Variants in RGS22 observed in about 807,000 individuals in gnomAD.
RGS22 encodes regulator of G-protein signaling 22.
A neutral mutation model predicts 172.9 loss-of-function variants in RGS22; 148 were observed. The ratio of observed to expected loss-of-function variants is 0.86; its 90% CI spans 0.75 to 0.98. RGS22 has a LOEUF of 0.98. Ranked by LOEUF, RGS22 falls within the 50% of genes least tolerant of loss-of-function variation. The probability of loss-of-function intolerance (pLI) is 0.00; values close to 1 mark genes in which losing one functional copy is unlikely to be tolerated. For synonymous variants in RGS22, 458 were observed against 480.2 expected (o/e 0.95, Z 0.60); for missense variants, 1,347 against 1,440.8 (o/e 0.93, Z 1.05).
At chr8:100,104,329 C>CGTGTGT (rs34385626) in intron 2 of RGS22, among the ~76,000 whole-genome samples, 4,559 of 140,360 alleles carry the variant, frequency 0.032, 103 homozygotes, top group African/African-American at 0.043. Context: ...AAAATATGTG[C>CGTGTGT]GTGTGTGTGT....
chr8:100,093,840 G>T (rs1312697736), intron 2 of RGS22, among the ~76,000 whole-genome samples: 1 of 152,074 alleles, frequency 6.6e-6, no homozygotes, highest in Admixed American at 6.6e-5. Context: ...CCACCACATG[G>T]TAAGTTTCAC....
chr8:100,001,217 T>A (rs190010516), intron 18 of RGS22, among the ~76,000 whole-genome samples: 3 of 124,398 alleles, frequency 2.4e-5, no homozygotes, highest in African/African-American at 8.6e-5. Flanking sequence ...TATATATATA[T>A]ATACATATAT....
intron 20 of RGS22, 107 bp from the exon 21 acceptor site, chr8:99,987,726 T>C (rs758609405): frequency 4.8e-5 from 34 of 705,080 alleles, no homozygotes; most frequent in Non-Finnish European, 6.8e-5. Flanking sequence ...ATGGCTATAA[T>C]AGAATTTCAC....
chr8:99,988,550 A>G (rs1563579876), intron 20 of RGS22, among the ~76,000 whole-genome samples: 1 of 152,170 alleles, frequency 6.6e-6, no homozygotes, highest in Non-Finnish European at 1.5e-5. Context: ...AAAGACAATG[A>G]TTTAGATGGA....
chr8:100,076,008 T>C (rs1008422145), intron 4 of RGS22, among the ~76,000 whole-genome samples: 4 of 152,240 alleles, frequency 2.6e-5, no homozygotes, highest in Non-Finnish European at 5.9e-5. Flanking sequence ...TTCATGTGCT[T>C]ATTGTTTATC....
At chr8:100,044,338 C>T (rs141494151) in intron 11 of RGS22, among the ~76,000 whole-genome samples, 192 of 152,352 alleles carry the variant, frequency 1.3e-3, no homozygotes, top group African/African-American at 4.4e-3. Context: ...CCTCTGCCTC[C>T]TGGGTTAAAG....
chr8:100,079,971 A>G (rs1249708372), intron 4 of RGS22, among the ~76,000 whole-genome samples, 163 bp downstream of exon 4: 1 of 152,198 alleles, frequency 6.6e-6, no homozygotes, highest in Non-Finnish European at 1.5e-5. Flanking sequence ...AAAACTGCTG[A>G]ACTGGCCATT....
chr8:100,105,979 G>A lies in RGS22; in HGVS notation c.-58C>T. ...CGGGCCGTCAGGGCCCTAGCGCGCG[G>A]GTCCAGCGCGGGTCAGGGCCTGAGC... is the stretch of plus-strand genomic sequence containing the variant. On this transcript the variant is annotated 5_prime_UTR_variant, in exon 1 of 28. Coordinates refer to ENST00000360863, the MANE Select transcript of RGS22 (RefSeq NM_015668.5). The A allele has an allele frequency of 3.0e-6, 4 of 1,334,700 alleles. No homozygotes were observed. The highest frequency in any genetic ancestry group is 4.2e-5 in the Admixed American group (1 of 24,052). 82.7% of individuals were successfully genotyped at this position (1,334,700 alleles called of 1,614,324 possible). A position where few individuals can be genotyped will look rare whatever the true frequency, so the allele number is the denominator to read the frequency against.
intron 14 of RGS22, among the ~76,000 whole-genome samples, chr8:100,023,402 T>C (rs555724453): frequency 1.3e-5 from 2 of 152,186 alleles, no homozygotes; most frequent in East Asian, 1.9e-4. Context: ...ACAATGTCTC[T>C]TCATGAGTGA....
chr8:99,966,616 A>T (rs1271717498), intron 23 of RGS22, among the ~76,000 whole-genome samples: 2 of 152,192 alleles, frequency 1.3e-5, no homozygotes, highest in African/African-American at 4.8e-5. Context: ...AACTTCCCCA[A>T]AGAGGAAATG....
At chr8:99,963,323 A>G (rs1198475191) in intron 24 of RGS22, among the ~76,000 whole-genome samples, 1 of 152,184 alleles carries the variant, frequency 6.6e-6, no homozygotes, top group Non-Finnish European at 1.5e-5. Flanking sequence ...GGGTGGTGAT[A>G]TTCTGTTTCT....
rs1473042863 is a variant in RGS22, at chr8:100,041,888, C to T, written c.1852G>A (p.Val618Ile). 8 of 1,612,234 alleles carry T rather than the reference C, an allele frequency of 5.0e-6. No individual in the cohort carries two copies. Among genetic ancestry groups the T allele is most frequent in the African/African-American group, 1.3e-5 (1 of 74,892 alleles). Residue 618 changes from valine (V) to isoleucine (I), a missense_variant, in exon 12 of 28, where the codon GTC becomes ATC. Coordinates refer to ENST00000360863, the MANE Select transcript of RGS22 (RefSeq NM_015668.5). ...TCAGTAAAAGATGTTAAATGAATGA[C>T]TTTGCTGCTTTCTGACATGTACTTT... The part of the protein sequence containing the change: ...GSKYMSESSK[V>I]IHLTSFTDIS...
At chr8:100,052,526 C>T (rs1028237500) in intron 10 of RGS22, among the ~76,000 whole-genome samples, 3 of 151,892 alleles carry the variant, frequency 2.0e-5, no homozygotes, top group African/African-American at 7.3e-5. Flanking sequence ...TGGTCTTGAT[C>T]TCCTGACCTC....
chr8:100,032,379 A>G (rs1818916939), intron 14 of RGS22, among the ~76,000 whole-genome samples: 1 of 152,210 alleles, frequency 6.6e-6, no homozygotes, highest in South Asian at 2.1e-4. Flanking sequence ...AGTCTCTGAT[A>G]AAACAGACTT....
intron 14 of RGS22, among the ~76,000 whole-genome samples, chr8:100,028,455 C>CAA (rs201672610): frequency 4.0e-3 from 364 of 91,782 alleles, no homozygotes; most frequent in Middle Eastern, 0.012. Flanking sequence ...ACCTAGGAGA[C>CAA]AAAAAAAAAA....
chr8:100,043,587 T>C (rs928367393), intron 11 of RGS22, among the ~76,000 whole-genome samples: 1 of 151,734 alleles, frequency 6.6e-6, no homozygotes, highest in Non-Finnish European at 1.5e-5. Flanking sequence ...ACCAGCCTGG[T>C]CCACATGGTG....
At chr8:99,972,983 CA>C (rs34427659) in intron 23 of RGS22, among the ~76,000 whole-genome samples, 3,562 of 69,774 alleles carry the variant, frequency 0.051, 51 homozygotes, top group Non-Finnish European at 0.078. Context: ...GACTCCATCT[CA>C]AAAAAAAAAA....
chr8:99,999,383 T>C lies in RGS22; in HGVS notation c.2828A>G (p.His943Arg), dbSNP rs752745436. Residue 943 changes from histidine to arginine, a missense_variant, in exon 19 of 28, where the codon CAT (histidine) becomes CGT (arginine). Physicochemically the swap from His to Arg is conservative, Grantham distance 29 (BLOSUM62 0). Transcript: ENST00000360863. ...HLSGGWGKIL[H>R]EQLDAPVLVE... ...TAGAACAGGTGCATCAAGCTGCTCA[T>C]GAAGAATCTTCCCCCAGCCACCACT... 2 of 1,613,970 alleles carry C rather than the reference T, an allele frequency of 1.2e-6. No individual in the cohort carries two copies. Among genetic ancestry groups the C allele is most frequent in the Non-Finnish European group, 1.7e-6 (2 of 1,179,934 alleles).
rs1016706012 is a variant in RGS22, at chr8:100,008,388, A to G, written c.2348T>C (p.Ile783Thr). 5 of 1,609,400 alleles carry G rather than the reference A, an allele frequency of 3.1e-6. No individual in the cohort carries two copies. Among genetic ancestry groups the G allele is most frequent in the Non-Finnish European group, 3.4e-6 (4 of 1,179,110 alleles). ...PWTKMVKSDQ[I>T]AYKKVELVEE... ...GTGGCACGGTACCTTTTTATAAGCA[A>G]TTTGGTCCGATTTTACCATCTTTGT... The change falls in exon 15 of 28, where the codon ATT becomes ACT. Residue 783 changes from isoleucine to threonine, a missense_variant. Ile to Thr is a moderately conservative substitution (Grantham distance 89). Transcript: ENST00000360863.
Sources: gnomAD v4.1 joint callset for allele counts (sites outside exome capture counted in the v4.1 genomes callset) on GRCh38, gnomAD v4.1.1 for gene constraint, MANE v1.5 for transcripts, NCBI Gene and HGNC (gene_info 2026-07-23, HGNC 2026-07-21) for gene names.